The following BMPR2 variants were observed in gnomAD, a reference collection of about 807,000 sequenced individuals.
BMPR2 encodes the protein bone morphogenetic protein receptor type 2, also known as bone morphogenetic protein receptor type-2.
BMPR2 carries 29 observed loss-of-function variants against 100.8 expected under a neutral mutation model. The observed-to-expected ratio is 0.29, with a 90% CI of 0.21 to 0.39. The LOEUF (loss-of-function observed/expected upper bound fraction) is 0.39. Ranked by LOEUF, BMPR2 falls within the 10% of genes least tolerant of loss-of-function variation. BMPR2 has a pLI of 1.00. For missense variants in BMPR2, 1,011 were observed against 1,274.5 expected (o/e 0.79, Z 3.15); for synonymous variants, 382 against 442.3 (o/e 0.86, Z 1.71).
At chr2:202,450,095 GCGAGAC>G (rs1344012453) in intron 1 of BMPR2, among the ~76,000 whole-genome samples, 21 of 152,078 alleles carry the variant, frequency 1.4e-4, no homozygotes, top group African/African-American at 5.1e-4. Flanking sequence ...GGGCAACAGA[GCGAGAC>G]TCCGTCTCAA....
At chr2:202,405,928 C>T (rs1368308358) in intron 1 of BMPR2, among the ~76,000 whole-genome samples, 1 of 152,090 alleles carries the variant, frequency 6.6e-6, no homozygotes, top group East Asian at 1.9e-4. Context: ...ATATTTACCT[C>T]ATTTGTGGAA....
intron 3 of BMPR2, among the ~76,000 whole-genome samples, chr2:202,508,506 TA>T (rs1267883645): frequency 6.6e-6 from 1 of 152,248 alleles, no homozygotes; most frequent in Non-Finnish European, 1.5e-5. Flanking sequence ...ATGTATGTAT[TA>T]AAATTGATGA....
intron 1 of BMPR2, among the ~76,000 whole-genome samples, chr2:202,458,299 A>C (rs1279468025): frequency 5.5e-4 from 83 of 149,658 alleles, no homozygotes; most frequent in South Asian, 1.1e-3. Context: ...AAAAAAAAAA[A>C]AAAAAAAAAC....
intron 1 of BMPR2, among the ~76,000 whole-genome samples, chr2:202,441,809 G>A (rs1177269000): frequency 2.0e-5 from 3 of 149,492 alleles, no homozygotes; most frequent in Non-Finnish European, 4.4e-5. Flanking sequence ...CGAGGTGGGC[G>A]ATCACCTGAG....
chr2:202,562,847 A>AC lies in BMPR2; in HGVS notation c.*2904dup, dbSNP rs886055479. ...AAATGCATAATTGGCAAAAAAAAAA[A>AC]CCCACTGTTACCAGTGTAGGAAGTT... On this transcript the variant is annotated 3_prime_UTR_variant, in exon 13 of 13. Coordinates refer to ENST00000374580, the MANE Select transcript of BMPR2 (RefSeq NM_001204.7). The AC allele has an allele frequency of 6.6e-6, 1 of 151,998 alleles. No individual in the cohort carries two copies. The highest frequency in any genetic ancestry group is 1.9e-4 in the East Asian group (1 of 5,196). 9.4% of individuals were successfully genotyped at this position (151,998 alleles called of 1,614,324 possible).
At chr2:202,485,440 TA>T (rs924271340) in intron 3 of BMPR2, among the ~76,000 whole-genome samples, 2 of 151,900 alleles carry the variant, frequency 1.3e-5, no homozygotes, top group Admixed American at 1.3e-4. Context: ...CAGGTTTCAG[TA>T]AATCATTGGT....
At chr2:202,478,907 C>G (rs1267221401) in intron 3 of BMPR2, among the ~76,000 whole-genome samples, 1 of 152,026 alleles carries the variant, frequency 6.6e-6, no homozygotes, top group Non-Finnish European at 1.5e-5. Flanking sequence ...GCCTGGGTGA[C>G]AGACCGAGAC....
chr2:202,484,838 G>A (rs577211330), intron 3 of BMPR2, among the ~76,000 whole-genome samples: 14 of 144,572 alleles, frequency 9.7e-5, no homozygotes, highest in South Asian at 2.2e-4. Flanking sequence ...GCGTGGTGGC[G>A]GTTGCCTGTA....
At chr2:202,451,417 A>G (rs1330369806) in intron 1 of BMPR2, among the ~76,000 whole-genome samples, 2 of 152,164 alleles carry the variant, frequency 1.3e-5, no homozygotes, top group Non-Finnish European at 2.9e-5. Flanking sequence ...GTACAATTCC[A>G]GCCGGACACA....
chr2:202,489,437 ATTAAT>A (rs1019402164), intron 3 of BMPR2, among the ~76,000 whole-genome samples: 3 of 152,244 alleles, frequency 2.0e-5, no homozygotes, highest in African/African-American at 2.4e-5. Flanking sequence ...GACAGTGGTG[ATTAAT>A]TTAAGTCACA....
intron 1 of BMPR2, among the ~76,000 whole-genome samples, chr2:202,423,779 G>C (rs1254956860): frequency 6.6e-6 from 1 of 152,124 alleles, no homozygotes; most frequent in Non-Finnish European, 1.5e-5. Flanking sequence ...AAAAGGCCAG[G>C]TACAGTGGCT....
intron 3 of BMPR2, among the ~76,000 whole-genome samples, chr2:202,505,795 C>T (rs1687509158): frequency 6.6e-6 from 1 of 152,136 alleles, no homozygotes; most frequent in Non-Finnish European, 1.5e-5. Flanking sequence ...AACTACTTTA[C>T]CACTGTTACC....
intron 1 of BMPR2, among the ~76,000 whole-genome samples, chr2:202,455,847 T>C (rs1043821400): frequency 7.2e-5 from 11 of 151,786 alleles, no homozygotes; most frequent in Admixed American, 7.2e-4. Flanking sequence ...GGGCAGATCA[T>C]GAGGTCAGGA....
At chr2:202,501,962 G>A (rs1030906527) in intron 3 of BMPR2, among the ~76,000 whole-genome samples, 2 of 152,214 alleles carry the variant, frequency 1.3e-5, no homozygotes, top group African/African-American at 4.8e-5. Context: ...AAGTTCATTT[G>A]TGGAGAATGG....
At chr2:202,427,505 AAC>A (rs972384774) in intron 1 of BMPR2, among the ~76,000 whole-genome samples, 1 of 151,996 alleles carries the variant, frequency 6.6e-6, no homozygotes, top group African/African-American at 2.4e-5. Flanking sequence ...AAAAAAAAAA[AAC>A]AAGAAGCAAG....
chr2:202,396,642 T>C (rs886806623), intron 1 of BMPR2, among the ~76,000 whole-genome samples: 5 of 152,118 alleles, frequency 3.3e-5, no homozygotes, highest in Non-Finnish European at 7.4e-5. Context: ...TAAAGAGATA[T>C]ATGAAAAGAA....
At chr2:202,423,203 TA>T (rs1691305844) in intron 1 of BMPR2, among the ~76,000 whole-genome samples, 1 of 151,994 alleles carries the variant, frequency 6.6e-6, no homozygotes, top group Non-Finnish European at 1.5e-5. Flanking sequence ...GGTGAAATAC[TA>T]AAAAATAACA....
chr2:202,377,421 G>A lies in BMPR2; in HGVS notation c.-54G>A. 6.4e-7 allele frequency: 1 copy of A among 1,567,486 alleles called. No homozygotes were observed. The highest frequency in any genetic ancestry group is 1.3e-5 in the African/African-American group (1 of 74,094). On this transcript the variant is annotated 5_prime_UTR_variant, in exon 1 of 13. Transcript: ENST00000374580. The stretch of plus-strand genomic sequence containing the variant: ...GAGCCTCCCGGCTGTTTCTCCGCCG[G>A]TCTACTTCCCATATTTCTTTTCTTT...
chr2:202,558,862 C>T (rs966705616), intron 12 of BMPR2, among the ~76,000 whole-genome samples: 3 of 142,282 alleles, frequency 2.1e-5, no homozygotes, highest in African/African-American at 7.8e-5. Flanking sequence ...CATTGCACTC[C>T]AGCCTGGCAA....
Sources: allele counts gnomAD v4.1 joint callset (sites outside exome capture counted in the v4.1 genomes callset), GRCh38; gene constraint gnomAD v4.1.1; transcripts MANE v1.5; gene names NCBI Gene and HGNC (gene_info 2026-07-23, HGNC 2026-07-21).